ELMO1: variants seen among roughly 807,000 people sequenced by gnomAD.
The protein encoded by ELMO1 is engulfment and cell motility 1.
A neutral mutation model predicts 98.9 loss-of-function variants in ELMO1; 26 were observed. The ratio of observed to expected loss-of-function variants is 0.26; its 90% CI spans 0.19 to 0.36. The LOEUF is 0.36. ELMO1 is among the 10% of genes least tolerant of loss of function. The pLI is 1.00. For synonymous variants in ELMO1, 346 were observed against 346.0 expected (o/e 1.00, Z 0.00); for missense variants, 627 against 935.2 (o/e 0.67, Z 4.30).
intron 4 of ELMO1, among the ~76,000 whole-genome samples, chr7:37,282,025 T>C (rs1797165098): frequency 4.4e-4 from 1 of 2,274 alleles, no homozygotes; most frequent in Non-Finnish European, 7.6e-4. Flanking sequence ...CGATTCAGCC[T>C]CCATGTGGAT....
intron 2 of ELMO1, among the ~76,000 whole-genome samples, chr7:37,329,163 G>A (rs767128723): frequency 5.9e-5 from 9 of 152,210 alleles, no homozygotes; most frequent in Non-Finnish European, 1.2e-4. Context: ...CTTTGCATAT[G>A]GAGGAGCTGA....
At chr7:37,428,078 T>G (rs909724742) in intron 1 of ELMO1, among the ~76,000 whole-genome samples, 1 of 150,272 alleles carries the variant, frequency 6.7e-6, no homozygotes, top group Admixed American at 6.6e-5. Context: ...CACACACACG[T>G]TGGAGGGGAA....
At chr7:36,921,218 G>A (rs1785128726) in intron 16 of ELMO1, among the ~76,000 whole-genome samples, 1 of 152,184 alleles carries the variant, frequency 6.6e-6, no homozygotes, top group Non-Finnish European at 1.5e-5. Context: ...GGTACGCTGT[G>A]ACAGTAGCCT....
chr7:37,329,251 A>C (rs1799976244), intron 2 of ELMO1, among the ~76,000 whole-genome samples: 1 of 152,018 alleles, frequency 6.6e-6, no homozygotes, highest in African/African-American at 2.4e-5. Context: ...CCTATAGACA[A>C]CTCTTTTAGT....
intron 1 of ELMO1, among the ~76,000 whole-genome samples, chr7:37,390,438 T>C (rs749066681): frequency 6.6e-6 from 1 of 152,046 alleles, no homozygotes; most frequent in Non-Finnish European, 1.5e-5. Context: ...AAGGAGCACA[T>C]TTCTTATTAC....
At chr7:37,173,131 T>C (rs540433652) in intron 13 of ELMO1, among the ~76,000 whole-genome samples, 1 of 152,252 alleles carries the variant, frequency 6.6e-6, no homozygotes, top group Admixed American at 6.5e-5. Flanking sequence ...AAAATGTTTA[T>C]AAATGGATTA....
intron 1 of ELMO1, among the ~76,000 whole-genome samples, chr7:37,346,990 A>G (rs1390585454): frequency 6.6e-6 from 1 of 152,220 alleles, no homozygotes; most frequent in Non-Finnish European, 1.5e-5. Context: ...AGAGCAAAGG[A>G]GCAAGGAGGC....
chr7:36,956,922 C>G (rs889587568), intron 16 of ELMO1, among the ~76,000 whole-genome samples: 1 of 152,158 alleles, frequency 6.6e-6, no homozygotes, highest in Admixed American at 6.5e-5. Flanking sequence ...TAGCCTGTTT[C>G]CCAAGTCCAA....
chr7:37,412,595 C>T (rs986543829), intron 1 of ELMO1, among the ~76,000 whole-genome samples: 1 of 662 alleles, frequency 1.5e-3, no homozygotes, highest in African/African-American at 6.8e-3. Flanking sequence ...CATTTTTTTT[C>T]AAGAATGTAT....
intron 15 of ELMO1, among the ~76,000 whole-genome samples, chr7:37,018,195 C>A (rs886943314): frequency 6.7e-6 from 1 of 150,212 alleles, no homozygotes; most frequent in Non-Finnish European, 1.5e-5. Context: ...GGCGTGATCT[C>A]AGCTCACCAC....
At chr7:37,019,813 G>A (rs768221519) in intron 15 of ELMO1, among the ~76,000 whole-genome samples, 9 of 152,122 alleles carry the variant, frequency 5.9e-5, no homozygotes, top group Admixed American at 3.9e-4. Flanking sequence ...CAACACAATG[G>A]TTTTTTAAGT....
chr7:37,407,154 T>C (rs1803804962), intron 1 of ELMO1, among the ~76,000 whole-genome samples: 1 of 152,126 alleles, frequency 6.6e-6, no homozygotes, highest in East Asian at 1.9e-4. Flanking sequence ...TAAACAATGG[T>C]ACATCCACAC....
intron 7 of ELMO1, among the ~76,000 whole-genome samples, chr7:37,233,925 C>G (rs1328435700): frequency 1.3e-5 from 2 of 152,136 alleles, no homozygotes; most frequent in Non-Finnish European, 2.9e-5. Flanking sequence ...TAAGGTGGGT[C>G]TAATATGTGG....
At chr7:37,064,211 G>A (rs1410606504) in intron 15 of ELMO1, among the ~76,000 whole-genome samples, 1 of 152,118 alleles carries the variant, frequency 6.6e-6, no homozygotes, top group Non-Finnish European at 1.5e-5. Flanking sequence ...CTCACATGCT[G>A]CACAACATCA....
chr7:37,245,447 C>T (rs1466524588), intron 6 of ELMO1, among the ~76,000 whole-genome samples: 4 of 152,076 alleles, frequency 2.6e-5, no homozygotes, highest in African/African-American at 9.7e-5. Context: ...TTTCAGAAAT[C>T]CAAATCACCA....
chr7:37,349,186 C>G (rs1801146468), intron 1 of ELMO1, among the ~76,000 whole-genome samples: 1 of 152,184 alleles, frequency 6.6e-6, no homozygotes, highest in Non-Finnish European at 1.5e-5. Context: ...TCCTTCCTCA[C>G]CAGAAAAGCT....
chr7:36,913,746 C>T (rs1049057447), intron 16 of ELMO1, among the ~76,000 whole-genome samples: 6 of 152,092 alleles, frequency 3.9e-5, no homozygotes, highest in African/African-American at 1.4e-4. Flanking sequence ...AAAATGAGTC[C>T]CTATGCTATA....
chr7:36,900,291 A>G (rs933511770), intron 16 of ELMO1, among the ~76,000 whole-genome samples: 1 of 152,190 alleles, frequency 6.6e-6, no homozygotes, highest in Non-Finnish European at 1.5e-5. Flanking sequence ...ATTGGTGTAC[A>G]TTTCATGCTG....
At chr7:37,346,978 A>G (rs1801038589) in intron 1 of ELMO1, among the ~76,000 whole-genome samples, 1 of 152,188 alleles carries the variant, frequency 6.6e-6, no homozygotes, top group African/African-American at 2.4e-5. Flanking sequence ...GCAGCCATTG[A>G]GAGAGCAAAG....
Sources: gnomAD v4.1 joint callset for allele counts (sites outside exome capture counted in the v4.1 genomes callset) on GRCh38, gnomAD v4.1.1 for gene constraint, MANE v1.5 for transcripts, NCBI Gene and HGNC (gene_info 2026-07-23, HGNC 2026-07-21) for gene names.